Variants in SLC7A2 observed in about 807,000 individuals in gnomAD.
SLC7A2 encodes solute carrier family 7 member 2.
Under a neutral mutation model 58.9 loss-of-function variants are expected in SLC7A2, and 48 were observed. The observed-to-expected ratio is 0.82, with a 90% CI of 0.65 to 1.04. The LOEUF is 1.04. Ranked by LOEUF, SLC7A2 falls within the 50% of genes least tolerant of loss-of-function variation. The pLI is 0.00. For missense variants in SLC7A2, 1,029 were observed against 818.8 expected (o/e 1.26, Z -3.13); for synonymous variants, 363 against 314.5 (o/e 1.15, Z -1.63).
intron 8 of SLC7A2, among the ~76,000 whole-genome samples, chr8:17,556,358 A>T (rs907278901): frequency 3.3e-5 from 5 of 152,206 alleles, no homozygotes; most frequent in Non-Finnish European, 7.3e-5. Flanking sequence ...TTCAGGAAGA[A>T]TTTAATTTGG....
At chr8:17,553,537 G>A (rs539256921) in intron 7 of SLC7A2, among the ~76,000 whole-genome samples, 15 of 152,298 alleles carry the variant, frequency 9.8e-5, no homozygotes, top group African/African-American at 3.6e-4. Flanking sequence ...TTGGGACACC[G>A]AGGCGGGAGG....
intron 3 of SLC7A2, 59 bp downstream of exon 3, chr8:17,543,774 A>C: frequency 6.8e-7 from 1 of 1,463,660 alleles, no homozygotes; most frequent in Non-Finnish European, 9.2e-7. Flanking sequence ...GCCCTGAGTC[A>C]CAGCCCTTAG....
In SLC7A2 at chr8:17,569,928, T is replaced by A. The variant is rs963570606; in HGVS notation, c.*4782T>A. On this transcript the variant is annotated 3_prime_UTR_variant, in exon 13 of 13. Coordinates refer to ENST00000494857, the MANE Select transcript of SLC7A2 (RefSeq NM_001370338.1). ...AGCATCTATGTGTAGCTACCCTTGTTGGGTGGGCTCTTAGACTGATGGGGT... is the reference window on the plus strand; with the variant it reads ...AGCATCTATGTGTAGCTACCCTTGTAGGGTGGGCTCTTAGACTGATGGGGT... 1 of 152,120 alleles carries A rather than the reference T, an allele frequency of 6.6e-6. No homozygotes were observed. The highest frequency in any genetic ancestry group is 2.4e-5 in the African/African-American group (1 of 41,402). The allele number at this position is 152,120 out of a possible 1,614,324, so 9.4% of individuals were successfully genotyped here.
At chr8:17,495,989 A>G (rs1396848228), upstream of SLC7A2, among the ~76,000 whole-genome samples, 2 of 152,232 alleles carry the variant, frequency 1.3e-5, no homozygotes, top group Non-Finnish European at 2.9e-5. Context: ...GGGAAGAATG[A>G]TTTAGAATAT....
intron 3 of SLC7A2, 22 bp from the exon 4 acceptor site, chr8:17,544,429 T>C: frequency 1.2e-6 from 2 of 1,606,496 alleles, no homozygotes; most frequent in Non-Finnish European, 1.7e-6. Context: ...TGACTTCGTA[T>C]TCTCTGTTCT....
chr8:17,531,153 C>G (rs1172026112), intron 2 of SLC7A2, among the ~76,000 whole-genome samples: 12 of 152,178 alleles, frequency 7.9e-5, no homozygotes, highest in Admixed American at 7.9e-4. Flanking sequence ...CTCTCTCTGT[C>G]TGCATCTTAG....
rs138051932 is a variant in SLC7A2 at position 17,548,811 on chromosome 8, A to G, written c.666A>G (p.Glu222=). The G allele has an allele frequency of 1.2e-6, 2 of 1,612,086 alleles. No individual in the cohort carries two copies. The highest frequency in any genetic ancestry group is 4.5e-5 in the East Asian group (2 of 44,840). Residue 222 remains glutamate (E), a synonymous_variant, in exon 5 of 13, where the codon GAA becomes GAG. Transcript: ENST00000494857. The part of the protein sequence containing the change: ...KGNVANWKIS[E]EFLKNISASA... ...ATGTGGCAAACTGGAAGATTAGTGA[A>G]GAGTTTCTCAAAAATATATCAGCAA...
rs968096807 is a variant in SLC7A2 at position 17,539,001 on chromosome 8, G to A, written c.-22-4317G>A. 17 of 1,305,732 alleles carry A rather than the reference G, an allele frequency of 1.3e-5. No individual in the cohort carries two copies. The Admixed American group carries it at 2.2e-4, about 17-fold the overall frequency. 80.9% of individuals were successfully genotyped at this position (1,305,732 alleles called of 1,614,324 possible). A position where few individuals can be genotyped will look rare whatever the true frequency, so the allele number is the denominator to read the frequency against. ...TGTCAACCTTTACTTAGGGGAGGAA[G>A]GGAAAGATTCATTTCTAAGTGACTC... On this transcript the variant is annotated intron_variant, in intron 2 of 12. Transcript: ENST00000494857.
rs1479021853 is a variant in SLC7A2 at position 17,565,720 on chromosome 8, A to C, written c.*574A>C. ...AAAGAGACTTTTCAATAAGTTGTGA[A>C]TGCCAACAGTGGGTTTAATGCAAAT... is the stretch of plus-strand genomic sequence containing the variant. On this transcript the variant is annotated 3_prime_UTR_variant, in exon 13 of 13. Transcript: ENST00000494857. 1 of 152,434 alleles carries C rather than the reference A, an allele frequency of 6.6e-6. No individual in the cohort carries two copies. Among genetic ancestry groups the C allele is most frequent in the East Asian group, 1.9e-4 (1 of 5,194 alleles). The allele number at this position is 152,434 out of a possible 1,614,324, so 9.4% of individuals were successfully genotyped here. A position where few individuals can be genotyped will look rare whatever the true frequency, so the allele number is the denominator to read the frequency against.
At chr8:17,502,336 G>A (rs1298032258) in intron 2 of SLC7A2, 34 bp downstream of exon 2, 1 of 151,820 alleles carries the variant, frequency 6.6e-6, no homozygotes, top group Non-Finnish European at 1.5e-5. Flanking sequence ...CTTGCACGTT[G>A]GAATGGAAAA....
intron 11 of SLC7A2, 148 bp downstream of exon 11, chr8:17,562,258 T>C (rs1416479388): frequency 1.8e-5 from 14 of 779,142 alleles, no homozygotes; most frequent in Non-Finnish European, 2.5e-5. Context: ...TGGAGTGCAA[T>C]GGAGCGAAGT....
intron 9 of SLC7A2, among the ~76,000 whole-genome samples, 166 bp from the exon 10 acceptor site, chr8:17,560,162 A>T (rs10105500): frequency 0.068 from 10,374 of 152,114 alleles, 833 homozygotes; most frequent in African/African-American, 0.2. Flanking sequence ...TTTATCGGAA[A>T]GGTTTGTGTC....
chr8:17,550,209 A>G (rs1585251195), intron 5 of SLC7A2, 92 bp from the exon 6 acceptor site: 2 of 1,210,720 alleles, frequency 1.7e-6, no homozygotes, highest in Non-Finnish European at 2.4e-6. Context: ...TAATAAACAC[A>G]ACCACCTTCC....
At chr8:17,528,579 C>T (rs939543024) in intron 2 of SLC7A2, among the ~76,000 whole-genome samples, 4 of 151,994 alleles carry the variant, frequency 2.6e-5, no homozygotes, top group Non-Finnish European at 5.9e-5. Flanking sequence ...GGGTTTTGCT[C>T]TGTCGTTCAG....
chr8:17,496,333 C>G (rs1231013310), upstream of SLC7A2, among the ~76,000 whole-genome samples: 1 of 152,116 alleles, frequency 6.6e-6, no homozygotes, highest in Non-Finnish European at 1.5e-5. Context: ...AAAGACAAAC[C>G]ACACACACAT....
intron 2 of SLC7A2, among the ~76,000 whole-genome samples, chr8:17,506,072 A>G (rs944595392): frequency 3.9e-5 from 6 of 152,246 alleles, no homozygotes; most frequent in African/African-American, 1.4e-4. Flanking sequence ...TTATTGCAAA[A>G]GAAAGCCCTC....
rs773033006 is a variant in SLC7A2 at position 17,554,568 on chromosome 8, G to A, written c.1064G>A (p.Gly355Glu). Residue 355 changes from glycine (G) to glutamate (E), a missense_variant, in exon 8 of 13, where the codon GGA becomes GAA. Gly to Glu is a moderately conservative substitution (Grantham distance 98, BLOSUM62 -2). Transcript: ENST00000494857. ...SLCALSTSLLGSIFPMPRVIY... is the reference protein window; with the variant it reads ...SLCALSTSLLESIFPMPRVIY... ...GTTTGCTTTTTATTCAGTCTTCTTG[G>A]ATCCATTTTCCCAATGCCTCGTGTA... is the stretch of plus-strand genomic sequence containing the variant. 1.2e-6 allele frequency: 2 copies of A among 1,602,168 alleles called. No homozygotes were observed. The highest frequency in any genetic ancestry group is 1.7e-6 in the Non-Finnish European group (2 of 1,176,642).
chr8:17,525,066 C>G (rs1359170464), intron 2 of SLC7A2, among the ~76,000 whole-genome samples: 3 of 152,134 alleles, frequency 2.0e-5, no homozygotes, highest in African/African-American at 7.2e-5. Flanking sequence ...CCCCCATTCT[C>G]TACATCACAT....
intron 2 of SLC7A2, among the ~76,000 whole-genome samples, chr8:17,517,060 C>T (rs961951464): frequency 6.6e-6 from 1 of 152,144 alleles, no homozygotes; most frequent in Admixed American, 6.5e-5. Flanking sequence ...GAATTCTATA[C>T]GAAAAGTTCA....
Sources: gnomAD v4.1 joint callset for allele counts (sites outside exome capture counted in the v4.1 genomes callset) on GRCh38, gnomAD v4.1.1 for gene constraint, MANE v1.5 for transcripts, NCBI Gene and HGNC (gene_info 2026-07-23, HGNC 2026-07-21) for gene names.